The following JMY variants were observed in gnomAD, a reference collection of about 807,000 sequenced individuals.
JMY encodes the protein junction mediating and regulatory protein, p53 cofactor.
In JMY, 46 loss-of-function variants were observed where a neutral mutation model predicts 103.3. That is an observed-to-expected ratio of 0.45 (90% CI 0.35 to 0.57). The LOEUF is 0.57. Among genes scored for constraint, JMY ranks in the 20% least tolerant of loss-of-function variants. JMY has a pLI of 0.00. For synonymous variants in JMY, 526 were observed against 489.3 expected, an observed-to-expected ratio of 1.07 and a Z score of -0.99; for missense variants, 1,238 against 1,255.2, an observed-to-expected ratio of 0.99 and a Z score of 0.21.
intron 1 of JMY, among the ~76,000 whole-genome samples, chr5:79,249,677 A>T (rs1745015642): frequency 6.6e-6 from 1 of 152,142 alleles, no homozygotes; most frequent in Non-Finnish European, 1.5e-5. Flanking sequence ...AAAATTGAGT[A>T]ATGTTTTTCT....
chr5:79,315,378 A>G (rs1320104229), intron 9 of JMY, among the ~76,000 whole-genome samples: 3 of 152,046 alleles, frequency 2.0e-5, no homozygotes, highest in Non-Finnish European at 4.4e-5. Flanking sequence ...TTTTTTTGTT[A>G]AGAGAGATTC....
intron 7 of JMY, among the ~76,000 whole-genome samples, chr5:79,311,387 A>G (rs1056924859): frequency 1.3e-5 from 2 of 152,180 alleles, no homozygotes; most frequent in Admixed American, 6.5e-5. Context: ...ATGCAACAGT[A>G]ATTCTCATTA....
At chr5:79,296,215 A>G (rs1746557657) in intron 4 of JMY, among the ~76,000 whole-genome samples, 2 of 152,230 alleles carry the variant, frequency 1.3e-5, no homozygotes, top group African/African-American at 4.8e-5. Flanking sequence ...AAAAGTTCAG[A>G]TCACATTTTT....
chr5:79,249,302 G>A (rs1745005319), intron 1 of JMY, among the ~76,000 whole-genome samples: 1 of 149,878 alleles, frequency 6.7e-6, no homozygotes, highest in Non-Finnish European at 1.5e-5. Context: ...GATTACAGGT[G>A]TGAGCCACCG....
chr5:79,275,626 A>G (rs1445306527), intron 1 of JMY, among the ~76,000 whole-genome samples: 2 of 152,216 alleles, frequency 1.3e-5, no homozygotes, highest in African/African-American at 4.8e-5. Flanking sequence ...TGTAGTGCCT[A>G]CAGGCAGTTG....
chr5:79,237,492 A>T lies in JMY; in HGVS notation c.842A>T (p.Glu281Val), dbSNP rs1388167234. The T allele has an allele frequency of 3.1e-6, 5 of 1,613,554 alleles. No homozygotes were observed. Among genetic ancestry groups the T allele is most frequent in the Non-Finnish European group, 3.4e-6 (4 of 1,179,940 alleles). The change falls in exon 1 of 11, where the codon GAA (glutamate) becomes GTA (valine). Residue 281 changes from glutamate (E) to valine (V), a missense_variant. Physicochemically the swap from Glu to Val is moderately radical, Grantham distance 121. Coordinates refer to ENST00000396137, the MANE Select transcript of JMY (RefSeq NM_152405.5). ...GGCGCCCCCGAGATGACCGAGCAGG[A>T]AATCGACACTCTGTGTTACCAGCTC... is the stretch of plus-strand genomic sequence containing the variant. ...FGGAPEMTEQ[E>V]IDTLCYQLQV...
In JMY at chr5:79,319,811, C is replaced by T. The variant is rs530589598; in HGVS notation, c.*4-1795C>T. ...GCCAGGCTGGTCTCAAACTCCTGAT[C>T]TCAGGTGATCCACCTGCTTCTGCCT... On this transcript the variant is annotated intron_variant, in intron 10 of 10. Transcript: ENST00000396137. 2.0e-5 allele frequency among the ~76,000 whole-genome samples: 3 copies of T among 152,262 alleles called. No individual in the cohort carries two copies. In the East Asian group the frequency reaches 5.8e-4, roughly 29 times the overall value.
At position 79,312,322 on chromosome 5, in the gene JMY, A is replaced by T. The variant is rs557134698; in HGVS notation, c.1969-81A>T. On this transcript the variant is annotated intron_variant, in intron 7 of 10. Transcript: ENST00000396137. ...TGAATCATCCCCTTTGGCCCACATTAGGATAACTTCTCATCTTTTTTCCTA... is the reference window on the plus strand; with the variant it reads ...TGAATCATCCCCTTTGGCCCACATTTGGATAACTTCTCATCTTTTTTCCTA... The T allele has an allele frequency of 3.2e-4, 263 of 815,516 alleles. 1 individual carries two copies. The African/African-American group carries it at 4.3e-3, about 13-fold the overall frequency. The allele number at this position is 815,516 out of a possible 1,614,324, so 50.5% of individuals were successfully genotyped here. A position where few individuals can be genotyped will look rare whatever the true frequency, so the allele number is the denominator to read the frequency against.
chr5:79,245,571 A>G (rs1744874814), intron 1 of JMY, among the ~76,000 whole-genome samples: 2 of 152,130 alleles, frequency 1.3e-5, no homozygotes, highest in African/African-American at 4.8e-5. Context: ...CTCTTTTTAA[A>G]GGACCCACAG....
At chr5:79,295,147 A>T (rs1746531858) in intron 4 of JMY, among the ~76,000 whole-genome samples, 1 of 152,176 alleles carries the variant, frequency 6.6e-6, no homozygotes, top group South Asian at 2.1e-4. Flanking sequence ...TAGGATTTGG[A>T]CAGTGCTGTC....
At chr5:79,264,703 CTG>C (rs2112069694) in intron 1 of JMY, among the ~76,000 whole-genome samples, 1 of 152,294 alleles carries the variant, frequency 6.6e-6, no homozygotes, top group South Asian at 2.1e-4. Context: ...TTTTGTCACT[CTG>C]TGCCTGCCTT....
chr5:79,241,355 A>G (rs1011094923), intron 1 of JMY, among the ~76,000 whole-genome samples: 5 of 152,214 alleles, frequency 3.3e-5, no homozygotes, highest in Non-Finnish European at 7.3e-5. Context: ...TATTCTTACT[A>G]TTGCAAGAAT....
chr5:79,247,687 C>T (rs1035368549), intron 1 of JMY, among the ~76,000 whole-genome samples: 68 of 151,818 alleles, frequency 4.5e-4, no homozygotes, highest in Non-Finnish European at 8.8e-5. Flanking sequence ...GAGTCTTGCT[C>T]TGTTGCCCAG....
At chr5:79,318,433 A>G (rs1747313048) in intron 10 of JMY, among the ~76,000 whole-genome samples, 2 of 152,154 alleles carry the variant, frequency 1.3e-5, no homozygotes, top group South Asian at 4.1e-4. Flanking sequence ...ATATTGAAAG[A>G]TTCTATTAGT....
chr5:79,279,486 A>G (rs1203357317), intron 2 of JMY, among the ~76,000 whole-genome samples: 1 of 152,134 alleles, frequency 6.6e-6, no homozygotes, highest in African/African-American at 2.4e-5. Context: ...TTGTCTTTTT[A>G]CCTAATAGGT....
intron 2 of JMY, among the ~76,000 whole-genome samples, chr5:79,286,917 G>A (rs1746286734): frequency 1.3e-5 from 2 of 152,158 alleles, no homozygotes; most frequent in African/African-American, 4.8e-5. Flanking sequence ...ACTTCCAGAG[G>A]AAGCAATTGT....
intron 9 of JMY, among the ~76,000 whole-genome samples, chr5:79,315,675 C>T (rs540927122): frequency 6.6e-6 from 1 of 152,242 alleles, no homozygotes; most frequent in East Asian, 1.9e-4. Flanking sequence ...GGTGGAGCAA[C>T]TGCAATATGG....
chr5:79,249,491 G>A (rs900305455), intron 1 of JMY, among the ~76,000 whole-genome samples: 19 of 152,224 alleles, frequency 1.2e-4, no homozygotes, highest in Non-Finnish European at 2.6e-4. Context: ...TAGCCTTGGA[G>A]TTGGCTCTTG....
At chr5:79,276,369 C>CT (rs1450749479) in intron 1 of JMY, among the ~76,000 whole-genome samples, 2 of 152,102 alleles carry the variant, frequency 1.3e-5, no homozygotes, top group Admixed American at 1.3e-4. Flanking sequence ...ATCTGCCTGC[C>CT]TCGGCCTCCC....
Sources: gnomAD v4.1 joint callset for allele counts (sites outside exome capture counted in the v4.1 genomes callset) on GRCh38, gnomAD v4.1.1 for gene constraint, MANE v1.5 for transcripts, NCBI Gene and HGNC (gene_info 2026-07-23, HGNC 2026-07-21) for gene names.